Variants in MTERF4 observed in about 807,000 individuals in gnomAD.
MTERF4 encodes mitochondrial transcription termination factor 4.
A neutral mutation model predicts 22.5 loss-of-function variants in MTERF4; 17 were observed. That is an observed-to-expected ratio of 0.75 (90% CI 0.52 to 1.13). MTERF4 has a LOEUF of 1.13. Among genes scored for constraint, MTERF4 ranks in the 50% most tolerant of loss-of-function variants. The probability of loss-of-function intolerance (pLI) is 0.00; values close to 1 mark genes in which losing one functional copy is unlikely to be tolerated. For synonymous variants in MTERF4, 165 were observed against 175.3 expected (o/e 0.94, Z 0.47); for missense variants, 420 against 466.8 (o/e 0.90, Z 0.92).
intron 2 of MTERF4, among the ~76,000 whole-genome samples, chr2:241,097,918 A>G (rs2064529509): frequency 6.6e-6 from 1 of 152,218 alleles, no homozygotes; most frequent in Non-Finnish European, 1.5e-5. Flanking sequence ...CATAACAGTA[A>G]TAACAATAAT....
chr2:241,066,623 G>A, the MTERF4 span, among the ~76,000 whole-genome samples: 12 of 149,674 alleles, frequency 8.0e-5, no homozygotes, highest in African/African-American at 2.7e-4. Flanking sequence ...GCGAAGTGGC[G>A]TGATGGATGG....
the MTERF4 span, chr2:241,050,177 T>C: frequency 5.3e-6 from 3 of 565,084 alleles, no homozygotes; most frequent in East Asian, 8.8e-5. Context: ...ATAGGCTTCA[T>C]TGCCTGCTCA....
the MTERF4 span, chr2:241,049,191 G>A: frequency 2.2e-6 from 3 of 1,365,094 alleles, no homozygotes; most frequent in Admixed American, 5.8e-5. Flanking sequence ...AAGCCAGGGA[G>A]AAAGCGGTGG....
downstream of MTERF4, chr2:241,088,817 T>C (rs569431810): frequency 5.8e-5 from 13 of 222,728 alleles, no homozygotes; most frequent in South Asian, 2.1e-4. Flanking sequence ...GCTGAGAAAT[T>C]CCGGGGGCTC....
chr2:241,071,816 G>A (rs2062736442), downstream of MTERF4: 6 of 1,601,426 alleles, frequency 3.7e-6, no homozygotes, highest in Non-Finnish European at 5.1e-6. Context: ...CTTGTGGACG[G>A]CAGAGGAAGA....
At chr2:241,056,404 C>T in the MTERF4 span, among the ~76,000 whole-genome samples, 1 of 152,044 alleles carries the variant, frequency 6.6e-6, no homozygotes, top group African/African-American at 2.4e-5. Context: ...GCATGAACCA[C>T]TGTGCCCAGC....
At chr2:241,097,906 A>G in intron 2 of MTERF4, among the ~76,000 whole-genome samples, 1 of 152,224 alleles carries the variant, frequency 6.6e-6, no homozygotes, top group East Asian at 1.9e-4. Context: ...CACCATCGTC[A>G]TCATAACAGT....
chr2:241,079,933 C>T (rs113222490), intron 4 of MTERF4, among the ~76,000 whole-genome samples: 9 of 152,158 alleles, frequency 5.9e-5, no homozygotes, highest in South Asian at 2.1e-4. Flanking sequence ...TAATTGTTAA[C>T]GCCACCAAGA....
chr2:241,057,518 AC>A, the MTERF4 span, among the ~76,000 whole-genome samples: 1 of 150,888 alleles, frequency 6.6e-6, no homozygotes, highest in Admixed American at 6.6e-5. Context: ...CCCCAACTCT[AC>A]AAAAAACTTT....
chr2:241,051,027 C>T, the MTERF4 span, among the ~76,000 whole-genome samples: 7 of 152,208 alleles, frequency 4.6e-5, no homozygotes, highest in African/African-American at 1.7e-4. The surrounding 1 kb of genome is among the most constrained non-coding windows in gnomAD (Gnocchi z 4.7). Context: ...GATGGCTGTC[C>T]TCAGGGGTGG....
At chr2:241,084,568 C>G (rs2063491628), downstream of MTERF4, among the ~76,000 whole-genome samples, 1 of 152,210 alleles carries the variant, frequency 6.6e-6, no homozygotes, top group Non-Finnish European at 1.5e-5. Context: ...CCACTTCCCT[C>G]CCATCCTTTG....
At chr2:241,072,465 G>A in exon 5 of MTERF4, 1 of 354,118 alleles carries the variant, frequency 2.8e-6, no homozygotes, top group Non-Finnish European at 5.6e-6. Context: ...GCCCCAGAGG[G>A]GACCTCTCTG....
At chr2:241,089,938 A>G (rs1239595104), downstream of MTERF4, 2 of 1,537,948 alleles carry the variant, frequency 1.3e-6, no homozygotes, top group Admixed American at 4.2e-5. Flanking sequence ...AACGTAGAAA[A>G]CCTACAGTAA....
In MTERF4 at chr2:241,096,893, TA is replaced by T. The variant is rs1466073775; in HGVS notation, c.705+349del. On this transcript the variant is annotated intron_variant, in intron 3 of 3. Coordinates refer to ENST00000391980, the MANE Select transcript of MTERF4 (RefSeq NM_182501.4). This position sits in a 1 kb window ranked among gnomAD's most constrained non-coding sequence, Gnocchi z 5.1. The stretch of plus-strand genomic sequence containing the variant: ...AAGGACAGGAAGGTTTCAGCTATTT[TA>T]AAATTAGCTATTTCAGAGTCCCCAC... The T allele has an allele frequency of 1.7e-6, 1 of 581,904 alleles. No individual in the cohort carries two copies. The highest frequency in any genetic ancestry group is 3.3e-5 in the Admixed American group (1 of 30,504). The allele number at this position is 581,904 out of a possible 1,614,324, so 36.0% of individuals were successfully genotyped here. A position where few individuals can be genotyped will look rare whatever the true frequency, so the allele number is the denominator to read the frequency against.
the MTERF4 span, among the ~76,000 whole-genome samples, chr2:241,055,159 G>A: frequency 6.6e-6 from 1 of 151,988 alleles, no homozygotes; most frequent in African/African-American, 2.4e-5. Flanking sequence ...GAGGGTAGAA[G>A]GTGTGCTAAA....
chr2:241,102,160 C>G, intron 1 of MTERF4, 93 bp downstream of exon 1: 2 of 1,531,256 alleles, frequency 1.3e-6, no homozygotes, highest in South Asian at 2.4e-5. Context: ...GCTCCACGAC[C>G]TGGCCGTGAA....
chr2:241,082,177 C>T, downstream of MTERF4: 2 of 926,322 alleles, frequency 2.2e-6, no homozygotes, highest in Non-Finnish European at 3.4e-6. Context: ...GGAAGCCAGC[C>T]TAAGGACCCC....
the MTERF4 span, chr2:241,064,229 C>T: frequency 5.2e-6 from 4 of 766,808 alleles, no homozygotes; most frequent in East Asian, 5.8e-5. The surrounding 1 kb of genome is among the most constrained non-coding windows in gnomAD (Gnocchi z 7.0). Context: ...GCCCTCTGCC[C>T]GCCTGCTCCC....
At chr2:241,082,493 T>A, downstream of MTERF4, 4 of 654,396 alleles carry the variant, frequency 6.1e-6, no homozygotes. Context: ...GGGACTTGCT[T>A]TGACCATCGA....
Sources: gnomAD v4.1 joint callset for allele counts (sites outside exome capture counted in the v4.1 genomes callset) on GRCh38, gnomAD v4.1.1 for gene constraint, Gnocchi (gnomAD v3.1) non-coding constraint, MANE v1.5 for transcripts, NCBI Gene and HGNC (gene_info 2026-07-23, HGNC 2026-07-21) for gene names.